PUM1: variants seen among roughly 807,000 people sequenced by gnomAD.
The protein encoded by PUM1 is pumilio RNA binding family member 1, also known as pumilio homolog 1.
In PUM1, 13 loss-of-function variants were observed where a neutral mutation model predicts 131.8. The ratio of observed to expected loss-of-function variants is 0.10; its 90% CI spans 0.06 to 0.16. The LOEUF is 0.16. Among genes scored for constraint, PUM1 ranks in the 10% least tolerant of loss-of-function variants. The pLI is 1.00. For missense variants in PUM1, 961 were observed against 1,512.4 expected (o/e 0.64, Z 6.05); for synonymous variants, 509 against 556.5 (o/e 0.91, Z 1.20).
chr1:30,986,002 T>C (rs1235184040), intron 7 of PUM1, among the ~76,000 whole-genome samples: 1 of 152,126 alleles, frequency 6.6e-6, no homozygotes, highest in Non-Finnish European at 1.5e-5. Flanking sequence ...TCCCCGGGGC[T>C]GGAGTGCAGT....
intron 21 of PUM1, among the ~76,000 whole-genome samples, chr1:30,935,033 C>T (rs997330917): frequency 6.6e-6 from 1 of 152,210 alleles, no homozygotes; most frequent in African/African-American, 2.4e-5. Flanking sequence ...TAAGCCCTAC[C>T]AATTCTAGCA....
intron 3 of PUM1, among the ~76,000 whole-genome samples, chr1:31,008,902 G>A (rs566470048): frequency 2.0e-5 from 3 of 151,900 alleles, no homozygotes; most frequent in Admixed American, 2.0e-4. Context: ...GGCCGGGCGC[G>A]GTGGCTCACA....
chr1:31,042,335 T>C (rs1212291226), intron 2 of PUM1, among the ~76,000 whole-genome samples: 1 of 117,662 alleles, frequency 8.5e-6, no homozygotes, highest in South Asian at 3.1e-4. Flanking sequence ...AATAAATAAA[T>C]AAAATAAAAT....
chr1:31,057,899 A>T (rs968408650), intron 2 of PUM1, among the ~76,000 whole-genome samples: 7 of 152,130 alleles, frequency 4.6e-5, no homozygotes, highest in African/African-American at 1.7e-4. Flanking sequence ...GACGGGTGAC[A>T]CAAAATGAAC....
At chr1:31,039,814 G>A (rs756327302) in intron 2 of PUM1, among the ~76,000 whole-genome samples, 21 of 151,968 alleles carry the variant, frequency 1.4e-4, no homozygotes, top group African/African-American at 9.7e-5. Context: ...CAGGATAATC[G>A]CTTGAACCCA....
chr1:30,993,232 A>G (rs1025548877), intron 6 of PUM1, among the ~76,000 whole-genome samples: 2 of 152,190 alleles, frequency 1.3e-5, no homozygotes, highest in African/African-American at 4.8e-5. Flanking sequence ...CCAAAGTAGT[A>G]CAAGATGAAC....
chr1:30,950,078 C>A (rs1639864168), intron 17 of PUM1, 49 bp downstream of exon 17: 1 of 1,586,450 alleles, frequency 6.3e-7, no homozygotes, highest in Non-Finnish European at 8.6e-7. Context: ...ACTACATGTA[C>A]CATGGAGAAA....
chr1:30,991,967 A>C (rs149223109), intron 7 of PUM1, among the ~76,000 whole-genome samples: 114 of 152,338 alleles, frequency 7.5e-4, no homozygotes, highest in African/African-American at 2.6e-3. Flanking sequence ...TAACTGTAAG[A>C]CACAACTGGT....
Position 30,970,344 on chromosome 1 carries a change from G to T in PUM1, c.1507-1852C>A, listed in dbSNP as rs1557561602. 3.3e-5 allele frequency among the ~76,000 whole-genome samples: 5 copies of T among 152,254 alleles called. No individual in the cohort carries two copies. In the South Asian group the frequency reaches 1.0e-3, roughly 32 times the overall value. On this transcript the variant is annotated intron_variant, in intron 10 of 21. Coordinates refer to ENST00000426105, the MANE Select transcript of PUM1 (RefSeq NM_001020658.2). ...CAACACTGTCCACACTGGCAAGAAG[G>T]GATGTGTGGACACTTAATTTGCCCA...
chr1:31,038,984 A>ATATATATATATATTTTTTTTTTTTTTTT, intron 2 of PUM1, among the ~76,000 whole-genome samples: 2 of 49,422 alleles, frequency 4.0e-5, no homozygotes, highest in African/African-American at 4.2e-4. Flanking sequence ...ATATATATAT[A>ATATATATATATATTTTTTTTTTTTTTTT]TTTTTTTTTT....
intron 2 of PUM1, among the ~76,000 whole-genome samples, chr1:31,033,069 C>T (rs190332717): frequency 0.017 from 2,445 of 147,622 alleles, 70 homozygotes; most frequent in African/African-American, 0.056. Flanking sequence ...AAAAAAAAAA[C>T]GTTATTTTCC....
chr1:31,026,946 A>C (rs74063618), intron 3 of PUM1, among the ~76,000 whole-genome samples: 2,026 of 62,440 alleles, frequency 0.032, 31 homozygotes, highest in African/African-American at 0.19. Context: ...ATATACCACA[A>C]AAAAAAAAAA....
At chr1:30,960,246 C>T (rs1283125122) in intron 14 of PUM1, among the ~76,000 whole-genome samples, 1 of 152,166 alleles carries the variant, frequency 6.6e-6, no homozygotes, top group Admixed American at 6.5e-5. Flanking sequence ...AGCTGAGCAT[C>T]CTAATATGAA....
intron 2 of PUM1, among the ~76,000 whole-genome samples, chr1:31,058,768 C>T (rs556558238): frequency 5.7e-4 from 87 of 151,724 alleles, no homozygotes; most frequent in Middle Eastern, 3.4e-3. Context: ...GTCAGGAGTT[C>T]GAGGCCAGCC....
intron 2 of PUM1, among the ~76,000 whole-genome samples, chr1:31,043,483 T>A (rs953343433): frequency 3.9e-5 from 6 of 151,940 alleles, no homozygotes; most frequent in Non-Finnish European, 5.9e-5. Flanking sequence ...GCCTCCCAAA[T>A]TGCTGGGATT....
intron 7 of PUM1, among the ~76,000 whole-genome samples, chr1:30,990,585 T>C (rs571181645): frequency 2.0e-5 from 3 of 152,252 alleles, no homozygotes; most frequent in Middle Eastern, 3.4e-3. Context: ...CTAGCTCTTA[T>C]ACAGGAACAC....
At chr1:30,982,926 T>TTTTTG (rs374619180) in intron 7 of PUM1, among the ~76,000 whole-genome samples, 1 of 152,256 alleles carries the variant, frequency 6.6e-6, no homozygotes. Flanking sequence ...ACTTTAGTTT[T>TTTTTG]TTTTGTTTTG....
At chr1:30,976,688 G>GA (rs1428670431) in intron 9 of PUM1, among the ~76,000 whole-genome samples, 4 of 152,166 alleles carry the variant, frequency 2.6e-5, no homozygotes, top group Non-Finnish European at 4.4e-5. Context: ...GGTGCACACT[G>GA]AAACACTATA....
Position 31,059,563 on chromosome 1 carries a change from T to G in PUM1, c.4A>C (p.Ser2Arg). ...TTTCTCTTCAAGACACATGCAACGC[T>G]CATTCCACCAACACCTAAGGACAAA... Reference protein sequence around the residue: MSVACVLKRKAV... With the variant: MRVACVLKRKAV... Residue 2 changes from serine to arginine, a missense_variant, in exon 2 of 22, where the codon AGC (serine) becomes CGC (arginine). Ser to Arg is a moderately radical substitution (Grantham distance 110, BLOSUM62 -1). Around this residue, in one of 4 missense-constraint regions of PUM1, gnomAD observed 654 missense variants for 923.9 expected, o/e 0.71. Transcript: ENST00000426105. The G allele has an allele frequency of 6.2e-7, 1 of 1,607,616 alleles. No individual in the cohort carries two copies. The highest frequency in any genetic ancestry group is 8.5e-7 in the Non-Finnish European group (1 of 1,176,908).
Sources: allele counts gnomAD v4.1 joint callset (sites outside exome capture counted in the v4.1 genomes callset), GRCh38; gene constraint gnomAD v4.1.1; regional missense constraint gnomAD v4.1.1; transcripts MANE v1.5; gene names NCBI Gene and HGNC (gene_info 2026-07-23, HGNC 2026-07-21).